Variants in GGACT observed in about 807,000 individuals in gnomAD.
GGACT encodes gamma-glutamylaminecyclotransferase.
For missense variants in GGACT, 241 were observed against 233.2 expected (o/e 1.03, Z -0.22); for synonymous variants, 118 against 115.3 (o/e 1.02, Z -0.15).
intron 2 of GGACT, among the ~76,000 whole-genome samples, chr13:100,562,598 C>T (rs962437044): frequency 3.0e-4 from 45 of 152,062 alleles, no homozygotes; most frequent in African/African-American, 1.1e-3. Flanking sequence ...GAGTTTGAGA[C>T]CAGCCCAGCC....
chr13:100,572,183 A>G (rs555580580), intron 2 of GGACT, among the ~76,000 whole-genome samples: 13 of 152,260 alleles, frequency 8.5e-5, no homozygotes, highest in Non-Finnish European at 1.3e-4. Context: ...TGGGGTATAC[A>G]CACAATGGAA....
At chr13:100,550,146 CT>C (rs2088644141) in intron 2 of GGACT, among the ~76,000 whole-genome samples, 1 of 152,146 alleles carries the variant, frequency 6.6e-6, no homozygotes, top group Admixed American at 6.5e-5. Flanking sequence ...CCTGTGAGTC[CT>C]GAACGTGAAC....
At position 100,531,224 on chromosome 13, in the gene GGACT, T is replaced by G. The variant is rs1035807997; in HGVS notation, c.*906A>C. The G allele has an allele frequency of 1.3e-5, 2 of 152,054 alleles. No individual in the cohort carries two copies. The highest frequency in any genetic ancestry group is 4.8e-5 in the African/African-American group (2 of 41,380). 9.4% of individuals were successfully genotyped at this position (152,054 alleles called of 1,614,324 possible). ...ACAATTATCAGATGGAGGTGGGTAG[T>G]AATTGGTACTTCGTGCCTTGCTAAA... On this transcript the variant is annotated 3_prime_UTR_variant, in exon 3 of 3. Coordinates refer to ENST00000683975, the MANE Select transcript of GGACT (RefSeq NM_001195087.2).
chr13:100,576,637 C>T (rs936196681), intron 2 of GGACT, among the ~76,000 whole-genome samples: 16 of 152,292 alleles, frequency 1.1e-4, no homozygotes, highest in African/African-American at 3.1e-4. Flanking sequence ...TCAAAGTTGT[C>T]GTCGAAGTGA....
intron 2 of GGACT, among the ~76,000 whole-genome samples, chr13:100,566,750 C>A (rs1362195213): frequency 6.6e-6 from 1 of 152,244 alleles, no homozygotes; most frequent in African/African-American, 2.4e-5. Flanking sequence ...ACAAAGACAT[C>A]TGATCTCACT....
intron 2 of GGACT, among the ~76,000 whole-genome samples, chr13:100,577,416 C>CAAAAAAA (rs1246035632): frequency 0.045 from 1,364 of 30,030 alleles, 36 homozygotes; most frequent in African/African-American, 0.077. Context: ...GACTCCATCT[C>CAAAAAAA]AAAAATAAAT....
chr13:100,532,608 G>A lies in GGACT; in HGVS notation c.-10-7C>T. On this transcript the variant is annotated splice_polypyrimidine_tract_variant and splice_region_variant and intron_variant, in intron 2 of 2. Coordinates refer to ENST00000683975, the MANE Select transcript of GGACT (RefSeq NM_001195087.2). ...TAGGGCCATCCGGGCAGAGCTGCAG[G>A]GAGAGGGGAAGTCACAGGTCAGCCC... 6.6e-7 allele frequency: 1 copy of A among 1,522,258 alleles called. No homozygotes were observed. The highest frequency in any genetic ancestry group is 8.9e-7 in the Non-Finnish European group (1 of 1,128,726). The allele number at this position is 1,522,258 out of a possible 1,614,324, so 94.3% of individuals were successfully genotyped here.
At chr13:100,585,571 C>G (rs1875541924) in intron 1 of GGACT, among the ~76,000 whole-genome samples, 1 of 151,908 alleles carries the variant, frequency 6.6e-6, no homozygotes, top group Non-Finnish European at 1.5e-5. Context: ...AGCTCCAGAC[C>G]AGTGTGGCCA....
At chr13:100,567,252 T>C (rs1594194649) in intron 2 of GGACT, among the ~76,000 whole-genome samples, 2 of 152,220 alleles carry the variant, frequency 1.3e-5, no homozygotes, top group African/African-American at 4.8e-5. Flanking sequence ...TTTGAAACCA[T>C]GCAACATCTC....
At chr13:100,549,686 T>A (rs1594187985) in intron 2 of GGACT, among the ~76,000 whole-genome samples, 1 of 152,204 alleles carries the variant, frequency 6.6e-6, no homozygotes, top group African/African-American at 2.4e-5. Flanking sequence ...AAGAATATTA[T>A]TAAAACCAGT....
At chr13:100,578,531 T>C (rs1030248771) in intron 2 of GGACT, among the ~76,000 whole-genome samples, 2 of 152,220 alleles carry the variant, frequency 1.3e-5, no homozygotes, top group African/African-American at 4.8e-5. Context: ...TCTGCTGGCT[T>C]ACCTGTGAGT....
At position 100,530,501 on chromosome 13, in the gene GGACT, T is replaced by A. The variant is rs1333332899; in HGVS notation, c.*1629A>T. Reference sequence around the variant, plus strand: ...TAGGCGACAGGCTCTGCCAGTAGACTACCAGCATTTCTTTGTGATCCTTTT... The same window carrying A: ...TAGGCGACAGGCTCTGCCAGTAGACAACCAGCATTTCTTTGTGATCCTTTT... On this transcript the variant is annotated 3_prime_UTR_variant, in exon 3 of 3. Coordinates refer to ENST00000683975, the MANE Select transcript of GGACT (RefSeq NM_001195087.2). 1 of 417,370 alleles carries A rather than the reference T, an allele frequency of 2.4e-6. No individual in the cohort carries two copies. The highest frequency in any genetic ancestry group is 2.0e-5 in the African/African-American group (1 of 49,536). The allele number at this position is 417,370 out of a possible 1,614,324, so 25.9% of individuals were successfully genotyped here. A position where few individuals can be genotyped will look rare whatever the true frequency, so the allele number is the denominator to read the frequency against.
intron 2 of GGACT, among the ~76,000 whole-genome samples, chr13:100,557,879 C>A (rs561087872): frequency 3.2e-4 from 49 of 151,962 alleles, no homozygotes; most frequent in South Asian, 8.3e-4. Flanking sequence ...AAAAACAATC[C>A]AATTAAAAGT....
rs191231379 is a variant in GGACT at position 100,533,870 on chromosome 13, C to T, written c.-10-1269G>A. Reference sequence around the variant, plus strand: ...GTGGGGGCCGCTCTCCCCGGCCCCTCGCTCCGCTGCCCTGTGTGCCCCCGC... The same window carrying T: ...GTGGGGGCCGCTCTCCCCGGCCCCTTGCTCCGCTGCCCTGTGTGCCCCCGC... On this transcript the variant is annotated intron_variant, in intron 2 of 2. Coordinates refer to ENST00000683975, the MANE Select transcript of GGACT (RefSeq NM_001195087.2). 9.2e-5 allele frequency: 14 copies of T among 152,454 alleles called. No homozygotes were observed. In the East Asian group the frequency reaches 2.3e-3, roughly 25 times the overall value. The allele number at this position is 152,454 out of a possible 1,614,324, so 9.4% of individuals were successfully genotyped here.
In GGACT at chr13:100,532,313, C is replaced by A. The variant is rs564118954; in HGVS notation, c.279G>T (p.Leu93=). Residue 93 remains leucine (L), a synonymous_variant, in exon 3 of 3, where the codon CTG becomes CTT. Transcript: ENST00000683975. ...SCPALYQRTV[L]RVQLLEDRAP... is the part of the protein sequence containing the mutation. ...CCCGGTCCTCCAGCAGCTGTACCCGCAGCACCGTGCGCTGGTACAGGGCCG... is the reference window on the plus strand; with the variant it reads ...CCCGGTCCTCCAGCAGCTGTACCCGAAGCACCGTGCGCTGGTACAGGGCCG... 32 of 1,548,766 alleles carry A rather than the reference C, an allele frequency of 2.1e-5. No individual in the cohort carries two copies. In the African/African-American group the frequency reaches 4.0e-4, roughly 19 times the overall value.
chr13:100,539,804 C>CAGA, intron 2 of GGACT: 1 of 690,280 alleles, frequency 1.4e-6, no homozygotes, highest in East Asian at 2.7e-5. Flanking sequence ...GTGAAGCCAT[C>CAGA]TGGTCCTGGG....
At chr13:100,572,521 G>A (rs2153016361) in intron 2 of GGACT, among the ~76,000 whole-genome samples, 1 of 152,312 alleles carries the variant, frequency 6.6e-6, no homozygotes, top group Non-Finnish European at 1.5e-5. Context: ...ACTTAAAAAT[G>A]GTTAAGATGG....
At chr13:100,569,215 A>G (rs1034479685) in intron 2 of GGACT, among the ~76,000 whole-genome samples, 5 of 152,256 alleles carry the variant, frequency 3.3e-5, no homozygotes, top group Non-Finnish European at 7.3e-5. Context: ...TGGGGGCTTC[A>G]ACCCCAAATT....
chr13:100,576,971 A>G (rs1310405610), intron 2 of GGACT, among the ~76,000 whole-genome samples: 1 of 152,250 alleles, frequency 6.6e-6, no homozygotes, highest in Non-Finnish European at 1.5e-5. Context: ...AAAACAGTTT[A>G]AAAATGAAAG....
Sources: gnomAD v4.1 joint callset for allele counts (sites outside exome capture counted in the v4.1 genomes callset) on GRCh38, gnomAD v4.1.1 for gene constraint, MANE v1.5 for transcripts, NCBI Gene and HGNC (gene_info 2026-07-23, HGNC 2026-07-21) for gene names.